The following RYR3 variants were observed in gnomAD, a reference collection of about 807,000 sequenced individuals.
RYR3 encodes brain ryanodine receptor-calcium release channel.
A neutral mutation model predicts 584.3 loss-of-function variants in RYR3; 207 were observed. The observed-to-expected ratio is 0.35, with a 90% CI of 0.32 to 0.40. The LOEUF is 0.40. RYR3 is among the 10% of genes least tolerant of loss of function. The pLI, the probability that RYR3 is intolerant of heterozygous loss-of-function variation, is 1.00. For synonymous variants in RYR3, 2,416 were observed against 2,248.5 expected (o/e 1.07, Z -2.11); for missense variants, 5,616 against 6,089.2 (o/e 0.92, Z 2.59).
chr15:33,566,824 A>G, intron 12 of RYR3, 25 bp downstream of exon 12: 2 of 1,613,084 alleles, frequency 1.2e-6, no homozygotes, highest in South Asian at 2.2e-5. Flanking sequence ...TTCCTCCTCT[A>G]CCTAGTGAGT....
At chr15:33,563,906 C>G (rs1328707966) in intron 11 of RYR3, among the ~76,000 whole-genome samples, 1 of 152,066 alleles carries the variant, frequency 6.6e-6, no homozygotes, top group African/African-American at 2.4e-5. Context: ...AATAAGAGAC[C>G]ACATAATCTG....
At chr15:33,807,646 A>G (rs942924310) in intron 70 of RYR3, 77 bp downstream of exon 70, 5 of 1,390,954 alleles carry the variant, frequency 3.6e-6, no homozygotes, top group Admixed American at 3.9e-5. Context: ...CTGCACTGTG[A>G]TCACCATGGG....
chr15:33,633,699 A>T (rs576166829), intron 24 of RYR3, among the ~76,000 whole-genome samples: 1 of 152,328 alleles, frequency 6.6e-6, no homozygotes, highest in East Asian at 1.9e-4. Context: ...GCAGCGGAGT[A>T]AAGAGGTTCA....
chr15:33,854,973 G>T (rs758572058), intron 98 of RYR3, 61 bp downstream of exon 98: 79 of 1,487,982 alleles, frequency 5.3e-5, no homozygotes, highest in Non-Finnish European at 6.9e-5. Flanking sequence ...AAAAAGAACA[G>T]CAGGTAGTAT....
chr15:33,425,632 T>G (rs1231416426), intron 1 of RYR3, among the ~76,000 whole-genome samples: 1 of 141,702 alleles, frequency 7.1e-6, no homozygotes, highest in East Asian at 2.3e-4. Context: ...AGGTTGAGAC[T>G]CACAATTTTT....
At chr15:33,578,233 T>C (rs1459152276) in intron 12 of RYR3, among the ~76,000 whole-genome samples, 1 of 152,164 alleles carries the variant, frequency 6.6e-6, no homozygotes, top group Non-Finnish European at 1.5e-5. Flanking sequence ...GAAATACCAT[T>C]TGACCCAGCA....
Position 33,580,154 on chromosome 15 carries a change from A to C in RYR3, c.1437+10A>C. On this transcript the variant is annotated intron_variant, in intron 13 of 103. Coordinates refer to ENST00000634891, the MANE Select transcript of RYR3 (RefSeq NM_001036.6). The stretch of plus-strand genomic sequence containing the variant: ...TCTTTTCAAGGAAGAGGTAAGTCGA[A>C]AAATGAAAAGTTGAAATTCACTTAG... The C allele has an allele frequency of 6.3e-7, 1 of 1,583,180 alleles. No individual in the cohort carries two copies. The highest frequency in any genetic ancestry group is 8.6e-7 in the Non-Finnish European group (1 of 1,164,062).
At chr15:33,485,273 G>T (rs1441419830) in intron 2 of RYR3, among the ~76,000 whole-genome samples, 1 of 152,164 alleles carries the variant, frequency 6.6e-6, no homozygotes, top group Non-Finnish European at 1.5e-5. Flanking sequence ...CCAATTTAGA[G>T]AACTTGAGCA....
chr15:33,478,840 G>A (rs564734393), intron 2 of RYR3, among the ~76,000 whole-genome samples: 1 of 152,162 alleles, frequency 6.6e-6, no homozygotes, highest in Non-Finnish European at 1.5e-5. Flanking sequence ...TTTAAAATAA[G>A]TTTCAACAGA....
At chr15:33,599,279 C>T (rs2059546263) in intron 16 of RYR3, among the ~76,000 whole-genome samples, 1 of 152,142 alleles carries the variant, frequency 6.6e-6, no homozygotes, top group African/African-American at 2.4e-5. Flanking sequence ...AATGTGAACC[C>T]AGAAAATCTG....
intron 91 of RYR3, among the ~76,000 whole-genome samples, chr15:33,842,792 A>G (rs758814765): frequency 1.2e-4 from 18 of 152,138 alleles, no homozygotes; most frequent in Non-Finnish European, 1.5e-4. Flanking sequence ...AGCCTAGACC[A>G]CTTACAGTTT....
rs544217086 is a variant in RYR3, at chr15:33,486,122, A to T, written c.171+12584A>T. On this transcript the variant is annotated intron_variant, in intron 2 of 103. Transcript: ENST00000634891. Reference sequence around the variant, plus strand: ...AAGATCGTTGATAAAGAGGAAGCCAAATAACTGAGGAGTTGTAAGATGGAA... The same window carrying T: ...AAGATCGTTGATAAAGAGGAAGCCATATAACTGAGGAGTTGTAAGATGGAA... Among the ~76,000 whole-genome samples, 204 of 152,326 alleles carry T rather than the reference A, an allele frequency of 1.3e-3. 1 individual carries two copies. Among genetic ancestry groups the T allele is most frequent in the Admixed American group, 4.1e-3 (62 of 15,302 alleles).
chr15:33,534,733 A>G (rs1308301168), intron 5 of RYR3, among the ~76,000 whole-genome samples: 1 of 152,210 alleles, frequency 6.6e-6, no homozygotes, highest in Non-Finnish European at 1.5e-5. Flanking sequence ...AGTTGAAAGG[A>G]GGCACATTTC....
At chr15:33,554,686 G>A (rs555145934) in intron 10 of RYR3, among the ~76,000 whole-genome samples, 1 of 152,278 alleles carries the variant, frequency 6.6e-6, no homozygotes, top group Admixed American at 6.5e-5. Flanking sequence ...CAATGAGAGA[G>A]ATTCATTTTA....
chr15:33,495,117 G>GC (rs1486127483), intron 2 of RYR3, among the ~76,000 whole-genome samples: 1 of 152,154 alleles, frequency 6.6e-6, no homozygotes, highest in Admixed American at 6.5e-5. Flanking sequence ...GAGCTCTTGA[G>GC]CCCTGATAGT....
chr15:33,853,789 C>A lies in RYR3; in HGVS notation c.13799+107C>A. On this transcript the variant is annotated intron_variant, in intron 96 of 103. Coordinates refer to ENST00000634891, the MANE Select transcript of RYR3 (RefSeq NM_001036.6). ...TGTCTTTGTTCTCTCAGGCTGTGGT[C>A]TGGCTTAGGTGTTTCTTCTAGGTTC... 5 of 1,429,828 alleles carry A rather than the reference C, an allele frequency of 3.5e-6. 1 individual carries two copies. In the South Asian group the frequency reaches 5.7e-5, roughly 16 times the overall value. 88.6% of individuals were successfully genotyped at this position (1,429,828 alleles called of 1,614,324 possible).
chr15:33,426,031 G>A (rs1049750465), intron 1 of RYR3, among the ~76,000 whole-genome samples: 29 of 152,084 alleles, frequency 1.9e-4, no homozygotes, highest in African/African-American at 6.8e-4. Flanking sequence ...CTGATGTTAT[G>A]TAAAGATCAA....
At chr15:33,647,583 A>G in intron 30 of RYR3, 123 bp downstream of exon 30, 2 of 682,246 alleles carry the variant, frequency 2.9e-6, no homozygotes. Flanking sequence ...CTGTCTTTTA[A>G]TATCCATCTT....
chr15:33,630,259 AG>A (rs1404667918), intron 22 of RYR3, among the ~76,000 whole-genome samples: 1 of 152,210 alleles, frequency 6.6e-6, no homozygotes, highest in African/African-American at 2.4e-5. Flanking sequence ...TGCTAGGGGC[AG>A]GGAAAAAGTA....
Sources: gnomAD v4.1 joint callset for allele counts (sites outside exome capture counted in the v4.1 genomes callset) on GRCh38, gnomAD v4.1.1 for gene constraint, MANE v1.5 for transcripts, NCBI Gene and HGNC (gene_info 2026-07-23, HGNC 2026-07-21) for gene names.